Variants in UNKL observed in about 807,000 individuals in gnomAD.
The protein encoded by UNKL is unk like zinc finger, also known as putative E3 ubiquitin-protein ligase UNKL.
Under a neutral mutation model 78.0 loss-of-function variants are expected in UNKL, and 60 were observed. The observed-to-expected ratio is 0.77, with a 90% CI of 0.63 to 0.95. The LOEUF (loss-of-function observed/expected upper bound fraction) is 0.95, where lower values mean the gene tolerates loss of function less well. Among genes scored for constraint, UNKL ranks in the 40% least tolerant of loss-of-function variants. The probability of loss-of-function intolerance (pLI) is 0.00; values close to 1 mark genes in which losing one functional copy is unlikely to be tolerated. For synonymous variants in UNKL, 608 were observed against 474.8 expected (o/e 1.28, Z -3.65); for missense variants, 1,159 against 1,045.7 (o/e 1.11, Z -1.49).
At chr16:1,380,706 G>C (rs546387246) in intron 10 of UNKL, among the ~76,000 whole-genome samples, 42 of 113,036 alleles carry the variant, frequency 3.7e-4, no homozygotes, top group African/African-American at 1.7e-3. Flanking sequence ...AACAAGTCTC[G>C]CTCTGTCACC....
intron 10 of UNKL, among the ~76,000 whole-genome samples, chr16:1,375,456 G>A (rs1048343599): frequency 6.6e-6 from 1 of 152,224 alleles, no homozygotes; most frequent in Admixed American, 6.5e-5. Context: ...GGGCGTGGAG[G>A]CCGGGCTGTG....
rs2037408272 is a variant in UNKL at position 1,399,277 on chromosome 16, G to A, written c.734+97C>T. ...CGGGGATGATGGTGCCACAAGGGCA[G>A]CCCTCCCATTAGAACCCCGGGGTGG... On this transcript the variant is annotated intron_variant, in intron 5 of 14. Transcript: ENST00000389221. This position sits in a 1 kb window ranked among gnomAD's most constrained non-coding sequence, Gnocchi z 5.8. 1.4e-6 allele frequency: 2 copies of A among 1,428,164 alleles called. No homozygotes were observed. The highest frequency in any genetic ancestry group is 2.9e-5 in the Admixed American group (1 of 35,002). 88.5% of individuals were successfully genotyped at this position (1,428,164 alleles called of 1,614,324 possible).
chr16:1,398,778 C>A, intron 5 of UNKL: 1 of 1,508,406 alleles, frequency 6.6e-7, no homozygotes, highest in Non-Finnish European at 8.9e-7. Flanking sequence ...GAGAAAGGGG[C>A]TTCAGAGGCA....
At chr16:1,410,286 G>C (rs1260724175) in intron 2 of UNKL, among the ~76,000 whole-genome samples, 1 of 149,262 alleles carries the variant, frequency 6.7e-6, no homozygotes, top group Non-Finnish European at 1.5e-5. Flanking sequence ...AAAAAAGAGA[G>C]AAAAAGATGC....
At chr16:1,372,138 C>T (rs1394575008) in intron 10 of UNKL, among the ~76,000 whole-genome samples, 1 of 151,746 alleles carries the variant, frequency 6.6e-6, no homozygotes, top group South Asian at 2.1e-4. Flanking sequence ...GTGGCGGGTG[C>T]CTGTAGTCCC....
intron 5 of UNKL, chr16:1,398,377 T>C (rs1273168165): frequency 2.9e-6 from 3 of 1,018,904 alleles, no homozygotes; most frequent in Non-Finnish European, 3.5e-6. Context: ...GAAAAAATAA[T>C]TTTTATTTTC....
chr16:1,376,833 G>A (rs1010031668), intron 10 of UNKL, among the ~76,000 whole-genome samples: 2 of 152,102 alleles, frequency 1.3e-5, no homozygotes, highest in Middle Eastern at 3.2e-3. Flanking sequence ...TGGTAACATA[G>A]ATTTCAGCAC....
chr16:1,367,468 C>G, intron 13 of UNKL, 119 bp from the exon 14 acceptor site: 1 of 1,312,528 alleles, frequency 7.6e-7, no homozygotes, highest in Non-Finnish European at 1.0e-6. Flanking sequence ...GGCCCCCTCA[C>G]CTGAGACCCC....
chr16:1,382,356 T>C (rs569848104), intron 10 of UNKL, among the ~76,000 whole-genome samples: 14 of 152,310 alleles, frequency 9.2e-5, no homozygotes, highest in Admixed American at 3.3e-4. Context: ...GAGCCCTCCA[T>C]GGCAAGGCAG....
intron 10 of UNKL, among the ~76,000 whole-genome samples, chr16:1,379,972 C>T (rs1383934774): frequency 6.6e-6 from 1 of 152,200 alleles, no homozygotes; most frequent in Non-Finnish European, 1.5e-5. Context: ...AGGTGAAACA[C>T]GGTCGACCCA....
At chr16:1,366,536 C>CA (rs1352487204) in intron 14 of UNKL, 141 bp from the exon 15 acceptor site, 1 of 1,078,850 alleles carries the variant, frequency 9.3e-7, no homozygotes, top group Non-Finnish European at 1.3e-6. Context: ...GGGAGACGCC[C>CA]CAGCCAGGGC....
At chr16:1,367,506 CTCCCT>C in intron 13 of UNKL, 145 bp downstream of exon 13, 1 of 500,938 alleles carries the variant, frequency 2.0e-6, no homozygotes. Flanking sequence ...CCCTCCCTCC[CTCCCT>C]CCCCCTCCCG....
chr16:1,386,991 T>A (rs1313071036), intron 9 of UNKL, among the ~76,000 whole-genome samples: 1 of 152,024 alleles, frequency 6.6e-6, no homozygotes, highest in Non-Finnish European at 1.5e-5. Flanking sequence ...AGACCACTTT[T>A]CCTCAAGCCA....
intron 10 of UNKL, among the ~76,000 whole-genome samples, chr16:1,383,030 C>A (rs992772500): frequency 2.0e-5 from 3 of 148,004 alleles, no homozygotes; most frequent in African/African-American, 7.5e-5. Flanking sequence ...GAGGCCCAGG[C>A]GGGCAGATCA....
intron 10 of UNKL, chr16:1,379,735 CG>C (rs1208719711): frequency 2.1e-6 from 2 of 960,860 alleles, no homozygotes; most frequent in African/African-American, 1.8e-5. Flanking sequence ...CAACGTGACT[CG>C]GCCCCGCCCC....
At chr16:1,401,499 T>G (rs2037522650) in intron 4 of UNKL, 69 bp downstream of exon 4, 1 of 1,394,646 alleles carries the variant, frequency 7.2e-7, no homozygotes, top group Non-Finnish European at 9.4e-7. Flanking sequence ...GGGAACCAAG[T>G]GGCCCGAGCT....
At position 1,365,600 on chromosome 16, in the gene UNKL, T is replaced by A. The variant is rs2035180281; in HGVS notation, c.*640A>T. Reference sequence around the variant, plus strand: ...ACATCTCAATCCATAATCACTCTGCTTATAAATACTATTTGCACTTAATTG... The same window carrying A: ...ACATCTCAATCCATAATCACTCTGCATATAAATACTATTTGCACTTAATTG... On this transcript the variant is annotated 3_prime_UTR_variant, in exon 15 of 15. Coordinates refer to ENST00000389221, the MANE Select transcript of UNKL (RefSeq NM_001372107.1). 6.5e-6 allele frequency: 1 copy of A among 152,688 alleles called. No individual in the cohort carries two copies. Among genetic ancestry groups the A allele is most frequent in the South Asian group, 2.1e-4 (1 of 4,830 alleles). 9.5% of individuals were successfully genotyped at this position (152,688 alleles called of 1,614,324 possible).
intron 10 of UNKL, chr16:1,379,178 CG>C (rs1317341327): frequency 1.3e-5 from 2 of 152,490 alleles, no homozygotes; most frequent in Non-Finnish European, 2.9e-5. Flanking sequence ...ACAGACTGCT[CG>C]GAACTCAGGA....
intron 6 of UNKL, chr16:1,395,605 G>A (rs924708536): frequency 2.5e-5 from 11 of 439,886 alleles, no homozygotes; most frequent in East Asian, 1.4e-4. Context: ...TGCCCCTTCC[G>A]CCCCAGGAAC....
Sources: gnomAD v4.1 joint callset for allele counts (sites outside exome capture counted in the v4.1 genomes callset) on GRCh38, gnomAD v4.1.1 for gene constraint, Gnocchi (gnomAD v3.1) non-coding constraint, MANE v1.5 for transcripts, NCBI Gene and HGNC (gene_info 2026-07-23, HGNC 2026-07-21) for gene names.